SPRY4: variants seen among roughly 807,000 people sequenced by gnomAD.
SPRY4 encodes sprouty RTK signaling antagonist 4, also known as protein sprouty homolog 4.
Under a neutral mutation model 17.0 loss-of-function variants are expected in SPRY4, and 7 were observed. The observed-to-expected ratio is 0.41, with a 90% CI of 0.23 to 0.77. The LOEUF is 0.77. SPRY4 is among the 30% of genes least tolerant of loss of function. The pLI, the probability that SPRY4 is intolerant of heterozygous loss-of-function variation, is 0.32. For synonymous variants in SPRY4, 183 were observed against 174.1 expected (o/e 1.05, Z -0.40); for missense variants, 435 against 419.9 (o/e 1.04, Z -0.31).
In SPRY4 at chr5:142,314,078, G is replaced by A. The variant is rs1481218922; in HGVS notation, c.*131C>T. On this transcript the variant is annotated 3_prime_UTR_variant, in exon 2 of 2. Transcript: ENST00000434127. The surrounding 1 kb of genome is among the most constrained non-coding windows in gnomAD (Gnocchi z 4.8). The stretch of plus-strand genomic sequence containing the variant: ...GGTGGTCTCTGTATTTTCCGAAGCT[G>A]GGGGTAGGGAGTGGGCAGACTAGCA... The A allele has an allele frequency of 2.1e-6, 2 of 933,988 alleles. No homozygotes were observed. The highest frequency in any genetic ancestry group is 1.6e-6 in the Non-Finnish European group (1 of 640,138). 57.9% of individuals were successfully genotyped at this position (933,988 alleles called of 1,614,324 possible).
Position 142,312,123 on chromosome 5 carries a change from A to G in SPRY4, c.*2086T>C, listed in dbSNP as rs1758941945. The G allele has an allele frequency of 6.6e-6, 1 of 152,386 alleles. No homozygotes were observed. Among genetic ancestry groups the G allele is most frequent in the Non-Finnish European group, 1.5e-5 (1 of 68,026 alleles). 9.4% of individuals were successfully genotyped at this position (152,386 alleles called of 1,614,324 possible). On this transcript the variant is annotated 3_prime_UTR_variant, in exon 2 of 2. Transcript: ENST00000434127. ...CGCAGAAAGCGTGCAGATGTGCACT[A>G]TCAATTTTGGGGCCCCCTCATCTGA... is the stretch of plus-strand genomic sequence containing the variant.
At chr5:142,321,521 G>A (rs1223990694) in intron 1 of SPRY4, among the ~76,000 whole-genome samples, 2 of 152,184 alleles carry the variant, frequency 1.3e-5, no homozygotes, top group African/African-American at 4.8e-5. Context: ...GGTCGGCCCT[G>A]AGATAGAACC....
intron 1 of SPRY4, chr5:142,317,749 T>C (rs1759207157): frequency 1.0e-6 from 1 of 984,902 alleles, no homozygotes; most frequent in South Asian, 4.7e-5. Context: ...CCCCAATTCA[T>C]GGAAAAGTCC....
intron 1 of SPRY4, chr5:142,319,854 AC>A: frequency 7.2e-7 from 1 of 1,388,968 alleles, no homozygotes; most frequent in Admixed American, 2.1e-5. Context: ...GCCTAATCCC[AC>A]CCACCCACAC....
chr5:142,318,248 G>C, intron 1 of SPRY4: 1 of 904,852 alleles, frequency 1.1e-6, no homozygotes, highest in Non-Finnish European at 1.3e-6. Context: ...CTTTTGGGAG[G>C]CCAAGGTAGG....
At chr5:142,320,730 C>T (rs1759318325) in intron 1 of SPRY4, among the ~76,000 whole-genome samples, 1 of 152,208 alleles carries the variant, frequency 6.6e-6, no homozygotes, top group South Asian at 2.1e-4. Context: ...GAACCCTAGA[C>T]TCCTAGGGCA....
In SPRY4 at chr5:142,313,998, G is replaced by GA. The variant is rs1033131784; in HGVS notation, c.*210dup. On this transcript the variant is annotated 3_prime_UTR_variant, in exon 2 of 2. Coordinates refer to ENST00000434127, the MANE Select transcript of SPRY4 (RefSeq NM_001127496.3). Reference sequence around the variant, plus strand: ...GTTTGACACAAAGTTTCAGGACCCTGAAAAAAAGCCCCAAAGTGCTTCTTC... The same window carrying GA: ...GTTTGACACAAAGTTTCAGGACCCTGAAAAAAAAGCCCCAAAGTGCTTCTTC... The GA allele has an allele frequency of 1.5e-5, 9 of 595,782 alleles. No homozygotes were observed. The highest frequency in any genetic ancestry group is 9.5e-5 in the South Asian group (4 of 42,316). 36.9% of individuals were successfully genotyped at this position (595,782 alleles called of 1,614,324 possible). A position where few individuals can be genotyped will look rare whatever the true frequency, so the allele number is the denominator to read the frequency against.
At chr5:142,317,617 C>T in intron 1 of SPRY4, 1 of 974,346 alleles carries the variant, frequency 1.0e-6, no homozygotes, top group Non-Finnish European at 1.2e-6. Context: ...TAAGCAGATT[C>T]ACTTTTTTTT....
rs1323750294 is a variant in SPRY4, at chr5:142,314,498, T to C, written c.611A>G (p.Gln204Arg). 6.2e-7 allele frequency: 1 copy of C among 1,614,194 alleles called. No homozygotes were observed. The highest frequency in any genetic ancestry group is 1.7e-5 in the Admixed American group (1 of 60,024). ...ATTCGTGCAGTGGTAGAAGATGCCCTGCACCAAACACATGCACGTGCCATA... is the reference window on the plus strand; with the variant it reads ...ATTCGTGCAGTGGTAGAAGATGCCCCGCACCAAACACATGCACGTGCCATA... Reference protein sequence around the residue: ...VNYGTCMCLVQGIFYHCTNED... With the variant: ...VNYGTCMCLVRGIFYHCTNED... Residue 204 changes from glutamine to arginine, a missense_variant, in exon 2 of 2, where the codon CAG becomes CGG. Transcript: ENST00000434127. The surrounding 1 kb of genome is among the most constrained non-coding windows in gnomAD (Gnocchi z 4.8).
Position 142,313,834 on chromosome 5 carries a change from G to C in SPRY4, c.*375C>G, listed in dbSNP as rs996728703. 34 of 163,238 alleles carry C rather than the reference G, an allele frequency of 2.1e-4. 2 individuals carry two copies. Among genetic ancestry groups the C allele is most frequent in the South Asian group, 1.5e-3 (10 of 6,632 alleles). The allele number at this position is 163,238 out of a possible 1,614,324, so 10.1% of individuals were successfully genotyped here. A position where few individuals can be genotyped will look rare whatever the true frequency, so the allele number is the denominator to read the frequency against. On this transcript the variant is annotated 3_prime_UTR_variant, in exon 2 of 2. Transcript: ENST00000434127. ...CAATGGAAAAGAGGAAGGGGGGGGGGGCGGAGGGAGGGAGGGAGAAGGAGG... is the reference window on the plus strand; with the variant it reads ...CAATGGAAAAGAGGAAGGGGGGGGGCGCGGAGGGAGGGAGGGAGAAGGAGG...
At position 142,311,803 on chromosome 5, in the gene SPRY4, G is replaced by C. The variant is rs114091586; in HGVS notation, c.*2406C>G. 841 of 152,614 alleles carry C rather than the reference G, an allele frequency of 5.5e-3. 5 individuals are homozygous for C. The highest frequency in any genetic ancestry group is 0.014 in the Middle Eastern group (4 of 294). The allele number at this position is 152,614 out of a possible 1,614,324, so 9.5% of individuals were successfully genotyped here. A position where few individuals can be genotyped will look rare whatever the true frequency, so the allele number is the denominator to read the frequency against. On this transcript the variant is annotated 3_prime_UTR_variant, in exon 2 of 2. Coordinates refer to ENST00000434127, the MANE Select transcript of SPRY4 (RefSeq NM_001127496.3). Reference sequence around the variant, plus strand: ...AGAACAAGCTAGAACAGGGGCAGGGGGAAAAAAGGAAAAAGCAAACCAAAA... The same window carrying C: ...AGAACAAGCTAGAACAGGGGCAGGGCGAAAAAAGGAAAAAGCAAACCAAAA...
chr5:142,323,625 A>G (rs1408069374), intron 1 of SPRY4, among the ~76,000 whole-genome samples: 2 of 152,088 alleles, frequency 1.3e-5, no homozygotes, highest in East Asian at 1.9e-4. Context: ...CTTCAGCCCT[A>G]TAAGCCACGC....
At chr5:142,316,908 G>A (rs970097903) in intron 1 of SPRY4, among the ~76,000 whole-genome samples, 5 of 152,232 alleles carry the variant, frequency 3.3e-5, no homozygotes, top group African/African-American at 1.2e-4. Context: ...CCATGGCCCT[G>A]CCTACTTAAA....
chr5:142,323,628 A>C (rs2151750005), intron 1 of SPRY4, among the ~76,000 whole-genome samples: 1 of 152,228 alleles, frequency 6.6e-6, no homozygotes, highest in Middle Eastern at 3.4e-3. Flanking sequence ...CAGCCCTATA[A>C]GCCACGCAAC....
Position 142,314,948 on chromosome 5 carries a change from T to C in SPRY4, c.161A>G (p.Asp54Gly). ...GGTGGTCAGGGCCAGGCTAGGGTTG[T>C]CTATGTAGTCATTCTCCACATGGCT... Reference protein sequence around the residue: ...KTSHVENDYIDNPSLALTTGP... With the variant: ...KTSHVENDYIGNPSLALTTGP... Residue 54 changes from aspartate to glycine, a missense_variant, in exon 2 of 2, where the codon GAC (aspartate) becomes GGC (glycine). By Grantham distance (94) the Asp-to-Gly change is moderately conservative. Transcript: ENST00000434127. This position sits in a 1 kb window ranked among gnomAD's most constrained non-coding sequence, Gnocchi z 4.8. The C allele has an allele frequency of 1.2e-6, 2 of 1,614,064 alleles. No homozygotes were observed. The highest frequency in any genetic ancestry group is 1.7e-6 in the Non-Finnish European group (2 of 1,180,014).
intron 1 of SPRY4, among the ~76,000 whole-genome samples, chr5:142,316,271 C>G (rs1267582516): frequency 1.3e-5 from 2 of 151,916 alleles, no homozygotes; most frequent in African/African-American, 4.8e-5. Flanking sequence ...TGACACGGAA[C>G]CCCAGGAAGT....
At chr5:142,317,355 G>A (rs1454531955) in intron 1 of SPRY4, 2 of 985,412 alleles carry the variant, frequency 2.0e-6, no homozygotes, top group Non-Finnish European at 2.4e-6. Flanking sequence ...TGGAGGAAAG[G>A]GTGTGGCTTG....
Position 142,311,392 on chromosome 5 carries a change from A to G in SPRY4, c.*2817T>C, listed in dbSNP as rs1758902796. The stretch of plus-strand genomic sequence containing the variant: ...CGGGAACTAACCAGCACTTTTCAAA[A>G]AAGGTCAAGCCGAGGCATCGTCCAG... On this transcript the variant is annotated 3_prime_UTR_variant, in exon 2 of 2. Coordinates refer to ENST00000434127, the MANE Select transcript of SPRY4 (RefSeq NM_001127496.3). 1 of 152,286 alleles carries G rather than the reference A, an allele frequency of 6.6e-6. No individual in the cohort carries two copies. 9.4% of individuals were successfully genotyped at this position (152,286 alleles called of 1,614,324 possible).
intron 1 of SPRY4, chr5:142,317,874 G>C: frequency 2.0e-6 from 2 of 985,418 alleles, no homozygotes; most frequent in South Asian, 9.4e-5. Context: ...GTTGAGGCCA[G>C]ACATGGGGAT....
Sources: allele counts gnomAD v4.1 joint callset (sites outside exome capture counted in the v4.1 genomes callset), GRCh38; gene constraint gnomAD v4.1.1; non-coding constraint Gnocchi (gnomAD v3.1); transcripts MANE v1.5; gene names NCBI Gene and HGNC (gene_info 2026-07-23, HGNC 2026-07-21).